PHLPP2: variants seen among roughly 807,000 people sequenced by gnomAD.
The protein encoded by PHLPP2 is PH domain and leucine rich repeat protein phosphatase 2.
PHLPP2 carries 66 observed loss-of-function variants against 124.9 expected under a neutral mutation model. The ratio of observed to expected loss-of-function variants is 0.53; its 90% CI spans 0.43 to 0.65. The LOEUF is 0.65. Ranked by LOEUF, PHLPP2 falls within the 30% of genes least tolerant of loss-of-function variation. The pLI is 0.00. For synonymous variants in PHLPP2, 681 were observed against 624.7 expected (o/e 1.09, Z -1.34); for missense variants, 1,685 against 1,600.4 (o/e 1.05, Z -0.90).
intron 3 of PHLPP2, among the ~76,000 whole-genome samples, chr16:71,702,197 G>C (rs1178254330): frequency 6.6e-6 from 1 of 152,016 alleles, no homozygotes; most frequent in Non-Finnish European, 1.5e-5. Flanking sequence ...ATACAAATTT[G>C]ACAGGTATAC....
At chr16:71,721,664 T>C (rs1473975121) in intron 1 of PHLPP2, among the ~76,000 whole-genome samples, 3 of 65,646 alleles carry the variant, frequency 4.6e-5, no homozygotes. Context: ...CACCCAAAAC[T>C]GTTCTTGAAA....
At chr16:71,657,996 G>A (rs935167680) in intron 15 of PHLPP2, among the ~76,000 whole-genome samples, 1 of 152,200 alleles carries the variant, frequency 6.6e-6, no homozygotes, top group Admixed American at 6.5e-5. Context: ...TATGCCTGTT[G>A]TGAAAATATT....
chr16:71,652,660 T>C (rs1052732975), intron 18 of PHLPP2, 130 bp downstream of exon 18: 19 of 655,614 alleles, frequency 2.9e-5, no homozygotes, highest in Admixed American at 1.0e-4. Flanking sequence ...ACCATCTGCA[T>C]TGAACTTTTA....
chr16:71,694,548 A>T (rs1390688523), intron 3 of PHLPP2, among the ~76,000 whole-genome samples: 4 of 152,322 alleles, frequency 2.6e-5, no homozygotes, highest in Non-Finnish European at 5.9e-5. Context: ...TAAATAAAAT[A>T]AAAAGTTACA....
chr16:71,667,325 C>T lies in PHLPP2; in HGVS notation c.1637G>A (p.Ser546Asn). The change falls in exon 12 of 19, where the codon AGT becomes AAT. Residue 546 changes from serine to asparagine, a missense_variant. Transcript: ENST00000568954. ...CATCAGTTTTCTAAGACTCAAGCTA[C>T]TCAGAATTCTAAGGGGGGAGCATAC... The part of the protein sequence containing the change: ...LLTEVPVRIL[S>N]SLSLRKLMLG... 6.2e-7 allele frequency: 1 copy of T among 1,612,074 alleles called. No individual in the cohort carries two copies. The highest frequency in any genetic ancestry group is 8.5e-7 in the Non-Finnish European group (1 of 1,178,836).
intron 3 of PHLPP2, among the ~76,000 whole-genome samples, chr16:71,694,464 A>T (rs1463416367): frequency 6.6e-6 from 1 of 152,184 alleles, no homozygotes; most frequent in Non-Finnish European, 1.5e-5. Flanking sequence ...CCGTCTCAAA[A>T]AATAAATAAA....
intron 4 of PHLPP2, among the ~76,000 whole-genome samples, chr16:71,687,561 A>T (rs913160868): frequency 6.6e-6 from 1 of 152,194 alleles, no homozygotes; most frequent in South Asian, 2.1e-4. Context: ...GTGAAAATTT[A>T]ACATGTTATT....
chr16:71,720,499 A>G (rs1007522077), intron 1 of PHLPP2, among the ~76,000 whole-genome samples: 1 of 152,206 alleles, frequency 6.6e-6, no homozygotes, highest in Admixed American at 6.5e-5. Context: ...ACACTCACAT[A>G]CAATAATAAG....
chr16:71,678,667 T>C, intron 8 of PHLPP2, 88 bp downstream of exon 8: 1 of 775,162 alleles, frequency 1.3e-6, no homozygotes, highest in Non-Finnish European at 2.2e-6. Context: ...TTAAAAACCC[T>C]AATGTTTTAA....
intron 18 of PHLPP2, 101 bp downstream of exon 18, chr16:71,652,689 T>C: frequency 1.3e-6 from 1 of 799,326 alleles, no homozygotes; most frequent in East Asian, 2.5e-5. Flanking sequence ...GGATACAATT[T>C]ACAGGGCATG....
chr16:71,701,834 A>G (rs1173700850), intron 3 of PHLPP2, among the ~76,000 whole-genome samples: 1 of 152,232 alleles, frequency 6.6e-6, no homozygotes, highest in Non-Finnish European at 1.5e-5. Context: ...CTATAATTAT[A>G]CTATTTTATA....
chr16:71,707,458 C>T (rs1232861527), intron 2 of PHLPP2, among the ~76,000 whole-genome samples: 3 of 152,066 alleles, frequency 2.0e-5, no homozygotes, highest in East Asian at 3.9e-4. Context: ...CCAGAAAAGA[C>T]CAACCACCAT....
chr16:71,658,308 G>A lies in PHLPP2; in HGVS notation c.2204C>T (p.Pro735Leu), dbSNP rs767195457. Residue 735 changes from proline (P) to leucine (L), a missense_variant, in exon 15 of 19, where the codon CCT becomes CTT. By Grantham distance (98) the Pro-to-Leu change is moderately conservative (BLOSUM62 -3). Coordinates refer to ENST00000568954, the MANE Select transcript of PHLPP2 (RefSeq NM_015020.3). ...LTEILIPEAL[P>L]ATLQDLDLTG... ...CAGGTCAAGGTCTTGTAATGTAGCA[G>A]GCAAAGCCTCTGGAATCAGGATTTC... 53 of 1,613,474 alleles carry A rather than the reference G, an allele frequency of 3.3e-5. No individual in the cohort carries two copies. In the South Asian group the frequency reaches 5.7e-4, roughly 17 times the overall value.
intron 3 of PHLPP2, among the ~76,000 whole-genome samples, chr16:71,691,415 C>G (rs1379140329): frequency 6.6e-6 from 1 of 151,776 alleles, no homozygotes; most frequent in Non-Finnish European, 1.5e-5. Flanking sequence ...GAGCCAAGAT[C>G]ATGCCACTGC....
In PHLPP2 at chr16:71,649,818, G is replaced by C. The variant is rs1218664332; in HGVS notation, c.3044C>G (p.Thr1015Arg). 1.9e-6 allele frequency: 3 copies of C among 1,614,156 alleles called. No homozygotes were observed. Among genetic ancestry groups the C allele is most frequent in the Non-Finnish European group, 2.5e-6 (3 of 1,179,984 alleles). ...CTGACAGCCATAGCTCTGCGCTAAT[G>C]TGCACAGCTTCTTAGCAGCTGCTAA... Reference protein sequence around the residue: ...DPLAAAKKLCTLAQSYGCQDN... With the variant: ...DPLAAAKKLCRLAQSYGCQDN... Residue 1015 changes from threonine to arginine, a missense_variant, in exon 19 of 19, where the codon ACA becomes AGA. By Grantham distance (71) the Thr-to-Arg change is moderately conservative (BLOSUM62 -1). Coordinates refer to ENST00000568954, the MANE Select transcript of PHLPP2 (RefSeq NM_015020.3).
chr16:71,653,947 G>A (rs2044718825), intron 17 of PHLPP2, among the ~76,000 whole-genome samples: 1 of 152,010 alleles, frequency 6.6e-6, no homozygotes, highest in African/African-American at 2.4e-5. Flanking sequence ...TGTAATCCCA[G>A]CACTTTGGGA....
At chr16:71,702,024 C>T (rs371854034) in intron 3 of PHLPP2, among the ~76,000 whole-genome samples, 1 of 152,064 alleles carries the variant, frequency 6.6e-6, no homozygotes, top group Non-Finnish European at 1.5e-5. Flanking sequence ...TAATGAAGAA[C>T]TAGGGTTCAA....
chr16:71,700,183 GC>G (rs1449369702), intron 3 of PHLPP2, among the ~76,000 whole-genome samples: 1 of 152,116 alleles, frequency 6.6e-6, no homozygotes, highest in Non-Finnish European at 1.5e-5. Context: ...GATCACTTGA[GC>G]CCAGGAGTTT....
At chr16:71,691,640 C>A (rs1193274157) in intron 3 of PHLPP2, among the ~76,000 whole-genome samples, 2 of 151,974 alleles carry the variant, frequency 1.3e-5, no homozygotes, top group Admixed American at 6.6e-5. Flanking sequence ...TAATTTTGTA[C>A]ATAATCCTCC....
Sources: gnomAD v4.1 joint callset for allele counts (sites outside exome capture counted in the v4.1 genomes callset) on GRCh38, gnomAD v4.1.1 for gene constraint, MANE v1.5 for transcripts, NCBI Gene and HGNC (gene_info 2026-07-23, HGNC 2026-07-21) for gene names.